Variants in GORASP2 observed in about 807,000 individuals in gnomAD.
GORASP2 encodes the protein golgi reassembly stacking protein 2, also known as Golgi reassembly-stacking protein 2.
In GORASP2, 22 loss-of-function variants were observed where a neutral mutation model predicts 45.7. The observed-to-expected ratio is 0.48, with a 90% CI of 0.34 to 0.69. The LOEUF is 0.69. Among genes scored for constraint, GORASP2 ranks in the 30% least tolerant of loss-of-function variants. The pLI, the probability that GORASP2 is intolerant of heterozygous loss-of-function variation, is 0.01. For synonymous variants in GORASP2, 221 were observed against 215.6 expected (o/e 1.02, Z -0.22); for missense variants, 491 against 562.7 (o/e 0.87, Z 1.29).
chr2:170,958,205 C>G (rs1240653253), intron 7 of GORASP2, among the ~76,000 whole-genome samples: 1 of 152,196 alleles, frequency 6.6e-6, no homozygotes, highest in African/African-American at 2.4e-5. Flanking sequence ...TGAACCCCAT[C>G]ACCCAACTTT....
At chr2:170,958,675 A>T (rs11902692) in intron 7 of GORASP2, among the ~76,000 whole-genome samples, 12,498 of 45,634 alleles carry the variant, frequency 0.27, 480 homozygotes, top group East Asian at 0.43. Flanking sequence ...TTTTTTTTTT[A>T]AAAAAAAAAA....
chr2:170,953,848 T>G (rs1704359827), intron 5 of GORASP2: 1 of 152,244 alleles, frequency 6.6e-6, no homozygotes, highest in Admixed American at 6.5e-5. Context: ...TTTTGTTTTT[T>G]CTCTGACTCC....
chr2:170,946,424 A>G (rs10930449), intron 1 of GORASP2, among the ~76,000 whole-genome samples: 91,165 of 152,046 alleles, frequency 0.6, 29,104 homozygotes, highest in East Asian at 0.95. Context: ...TTCTGTTACT[A>G]GCTACTAACA....
intron 1 of GORASP2, among the ~76,000 whole-genome samples, chr2:170,939,740 A>T (rs992372359): frequency 1.3e-5 from 2 of 152,224 alleles, no homozygotes; most frequent in Non-Finnish European, 2.9e-5. Context: ...TCCCCTGCAG[A>T]TAACAGGGAC....
intron 1 of GORASP2, among the ~76,000 whole-genome samples, chr2:170,931,310 A>G (rs1347291971): frequency 6.6e-6 from 1 of 152,212 alleles, no homozygotes; most frequent in Non-Finnish European, 1.5e-5. Context: ...CTGCCTTCCT[A>G]AGACCCTCTG....
chr2:170,935,572 C>CTT lies in GORASP2; in HGVS notation c.63+6186_63+6187dup, dbSNP rs1197617014. Among the ~76,000 whole-genome samples, 11 of 140,020 alleles carry CTT rather than the reference C, an allele frequency of 7.9e-5. 1 individual carries two copies. The highest frequency in any genetic ancestry group is 1.3e-4 in the African/African-American group (5 of 37,124). The allele number at this position is 140,020 out of a possible 152,430, so 91.9% of individuals were successfully genotyped here. On this transcript the variant is annotated intron_variant, in intron 1 of 9. Coordinates refer to ENST00000234160, the MANE Select transcript of GORASP2 (RefSeq NM_015530.5). Reference sequence around the variant, plus strand: ...ACCCAGCACCCCCAACGCCCCACCTCTTTTTTTTTTTTTTTTTTCTTTTTT... The same window carrying CTT: ...ACCCAGCACCCCCAACGCCCCACCTCTTTTTTTTTTTTTTTTTTTTCTTTTTT...
rs1704697254 is a variant in GORASP2, at chr2:170,966,779, C to G, written c.*649C>G. 1 of 153,930 alleles carries G rather than the reference C, an allele frequency of 6.5e-6. No individual in the cohort carries two copies. The highest frequency in any genetic ancestry group is 1.4e-5 in the Non-Finnish European group (1 of 69,010). 9.5% of individuals were successfully genotyped at this position (153,930 alleles called of 1,614,324 possible). The stretch of plus-strand genomic sequence containing the variant: ...TTGTAACTGCTGCTGTTGCTTTCTA[C>G]ATACACCTTATAAAGTGACATTTCA... On this transcript the variant is annotated 3_prime_UTR_variant, in exon 10 of 10. Coordinates refer to ENST00000234160, the MANE Select transcript of GORASP2 (RefSeq NM_015530.5).
chr2:170,946,768 CAAAAAAAAA>C (rs10692734), intron 1 of GORASP2, among the ~76,000 whole-genome samples: 1 of 105,102 alleles, frequency 9.5e-6, no homozygotes, highest in Admixed American at 1.1e-4. Flanking sequence ...CATGCCTCTA[CAAAAAAAAA>C]AAAAAAAAAA....
At chr2:170,933,477 C>T (rs1264165583) in intron 1 of GORASP2, among the ~76,000 whole-genome samples, 1 of 152,082 alleles carries the variant, frequency 6.6e-6, no homozygotes, top group Non-Finnish European at 1.5e-5. Context: ...AAATCAGGGC[C>T]TAACCACAGA....
chr2:170,948,411 C>A lies in GORASP2; in HGVS notation c.125C>A (p.Ser42Tyr). 6.4e-7 allele frequency: 1 copy of A among 1,571,042 alleles called. No homozygotes were observed. Among genetic ancestry groups the A allele is most frequent in the Non-Finnish European group, 8.8e-7 (1 of 1,142,486 alleles). The change falls in exon 2 of 10, where the codon TCT becomes TAT. Residue 42 changes from serine to tyrosine, a missense_variant. This residue lies in a region of GORASP2 where 194 missense variants were observed against 270.4 expected (regional missense o/e 0.72). Coordinates refer to ENST00000234160, the MANE Select transcript of GORASP2 (RefSeq NM_015530.5). ...GAGCCTTTCTTTGATTTTATTGTTT[C>A]TATTAATGGTTCAAGATTAGTAAGT... ...GLEPFFDFIV[S>Y]INGSRLNKDN...
chr2:170,941,388 C>G (rs1233827457), intron 1 of GORASP2, among the ~76,000 whole-genome samples: 1 of 152,124 alleles, frequency 6.6e-6, no homozygotes, highest in Non-Finnish European at 1.5e-5. Flanking sequence ...AAAGTGTAAC[C>G]TCAGTATACT....
At chr2:170,933,595 C>G (rs1703877381) in intron 1 of GORASP2, among the ~76,000 whole-genome samples, 2 of 152,178 alleles carry the variant, frequency 1.3e-5, no homozygotes, top group South Asian at 2.1e-4. Flanking sequence ...ACAAGGTTCT[C>G]TAAAAAATTA....
chr2:170,929,826 C>G (rs1201450567), intron 1 of GORASP2: 2 of 463,378 alleles, frequency 4.3e-6, no homozygotes. Flanking sequence ...GGAGAGGGAT[C>G]CGGACCCGCA....
intron 1 of GORASP2, among the ~76,000 whole-genome samples, chr2:170,944,786 A>G (rs925402641): frequency 2.0e-4 from 30 of 152,152 alleles, no homozygotes; most frequent in Non-Finnish European, 3.8e-4. Flanking sequence ...TTGATCAGTG[A>G]CCTAGTTGAG....
chr2:170,962,628 A>G (rs1704589614), intron 8 of GORASP2, among the ~76,000 whole-genome samples: 1 of 152,198 alleles, frequency 6.6e-6, no homozygotes, highest in African/African-American at 2.4e-5. Flanking sequence ...CCAGTTAGCC[A>G]CCTAATCTAT....
chr2:170,935,364 C>G (rs377674327), intron 1 of GORASP2, among the ~76,000 whole-genome samples: 2 of 152,058 alleles, frequency 1.3e-5, no homozygotes, highest in African/African-American at 4.8e-5. Context: ...AAGTGATTCT[C>G]CTGCCTCAGC....
intron 9 of GORASP2, among the ~76,000 whole-genome samples, chr2:170,964,458 G>T (rs1247171494): frequency 6.6e-6 from 1 of 152,132 alleles, no homozygotes; most frequent in East Asian, 1.9e-4. Flanking sequence ...TTCGAGACCA[G>T]CCTGACCAAC....
intron 1 of GORASP2, chr2:170,936,484 T>C: frequency 2.7e-6 from 1 of 373,132 alleles, no homozygotes; most frequent in South Asian, 2.3e-5. Flanking sequence ...CTTCCCAAAG[T>C]GTTGGGATTA....
intron 4 of GORASP2, among the ~76,000 whole-genome samples, chr2:170,950,509 T>C (rs1422004827): frequency 6.6e-6 from 1 of 152,238 alleles, no homozygotes; most frequent in Non-Finnish European, 1.5e-5. Flanking sequence ...ATTGCACAGA[T>C]TTTATGTGTA....
Sources: gnomAD v4.1 joint callset for allele counts (sites outside exome capture counted in the v4.1 genomes callset) on GRCh38, gnomAD v4.1.1 for gene constraint, gnomAD v4.1.1 regional missense constraint, MANE v1.5 for transcripts, NCBI Gene and HGNC (gene_info 2026-07-23, HGNC 2026-07-21) for gene names.